The following VPS13C variants were observed in gnomAD, a reference collection of about 807,000 sequenced individuals.
The protein encoded by VPS13C is intermembrane lipid transfer protein VPS13C.
Under a neutral mutation model 456.8 loss-of-function variants are expected in VPS13C, and 358 were observed. The ratio of observed to expected loss-of-function variants is 0.78; its 90% CI spans 0.72 to 0.86. The LOEUF is 0.86. VPS13C is among the 40% of genes least tolerant of loss of function. The pLI is 0.00. For synonymous variants in VPS13C, 1,578 were observed against 1,486.7 expected (o/e 1.06, Z -1.41); for missense variants, 4,818 against 4,385.4 (o/e 1.10, Z -2.79).
chr15:62,036,312 A>T (rs1349825127), intron 3 of VPS13C, among the ~76,000 whole-genome samples: 1 of 152,066 alleles, frequency 6.6e-6, no homozygotes. Context: ...AAATGCTCAA[A>T]GTTCAAAGAA....
chr15:61,878,872 T>C (rs1895654409), intron 73 of VPS13C, 126 bp from the exon 74 acceptor site: 1 of 963,068 alleles, frequency 1.0e-6, no homozygotes, highest in South Asian at 1.8e-5. Context: ...AAGCTATTAT[T>C]TGATACCACA....
chr15:61,934,189 T>G, intron 49 of VPS13C, 30 bp downstream of exon 49: 1 of 1,460,266 alleles, frequency 6.8e-7, no homozygotes, highest in Non-Finnish European at 9.3e-7. Flanking sequence ...GCTAAGGATT[T>G]ATTTCTAATT....
intron 67 of VPS13C, among the ~76,000 whole-genome samples, chr15:61,889,557 G>T (rs1210502338): frequency 1.3e-5 from 2 of 152,100 alleles, no homozygotes; most frequent in African/African-American, 2.4e-5. Flanking sequence ...AATTAAGTGT[G>T]ATTTTTAAAA....
At chr15:62,025,919 A>G (rs1045501086) in intron 6 of VPS13C, among the ~76,000 whole-genome samples, 1 of 151,486 alleles carries the variant, frequency 6.6e-6, no homozygotes, top group East Asian at 2.0e-4. Context: ...CCATTACATA[A>G]TAACATACAG....
chr15:61,987,223 AAAAG>A (rs1354619863), intron 18 of VPS13C, among the ~76,000 whole-genome samples: 3 of 152,132 alleles, frequency 2.0e-5, no homozygotes, highest in Non-Finnish European at 2.9e-5. Context: ...AAAAAAAAAA[AAAAG>A]AAAACCAAGT....
At chr15:62,010,961 A>G (rs1348091012) in intron 12 of VPS13C, among the ~76,000 whole-genome samples, 1 of 152,156 alleles carries the variant, frequency 6.6e-6, no homozygotes, top group Non-Finnish European at 1.5e-5. Context: ...TACTAATACA[A>G]AAAAGGAAAT....
At chr15:62,038,997 T>C (rs925570133) in intron 3 of VPS13C, among the ~76,000 whole-genome samples, 1 of 152,184 alleles carries the variant, frequency 6.6e-6, no homozygotes, top group African/African-American at 2.4e-5. Context: ...TGAGTACTGT[T>C]GGTGAAAATG....
chr15:61,875,963 T>C (rs1028228408), intron 75 of VPS13C, 118 bp from the exon 76 acceptor site: 3 of 675,968 alleles, frequency 4.4e-6, no homozygotes, highest in African/African-American at 1.9e-5. Context: ...GAAAGCTGTA[T>C]GGAATAATCA....
At chr15:62,025,494 T>G (rs2047606682) in intron 6 of VPS13C, among the ~76,000 whole-genome samples, 1 of 152,124 alleles carries the variant, frequency 6.6e-6, no homozygotes, top group South Asian at 2.1e-4. Context: ...AGTCTAGCCC[T>G]GAAAACCATT....
intron 58 of VPS13C, 145 bp downstream of exon 58, chr15:61,919,144 T>C (rs2043565885): frequency 1.3e-6 from 1 of 754,862 alleles, no homozygotes. Context: ...CCATTTCTGT[T>C]ACTATTTATT....
At chr15:61,881,685 AC>A (rs1895866060) in intron 70 of VPS13C, 53 bp from the exon 71 acceptor site, 1 of 1,601,968 alleles carries the variant, frequency 6.2e-7, no homozygotes, top group Non-Finnish European at 8.5e-7. Flanking sequence ...ACTAGGTTAA[AC>A]TAATGCCTAT....
chr15:61,963,952 C>A lies in VPS13C; in HGVS notation c.3215-1G>T, dbSNP rs374621625. On this transcript the variant is annotated splice_acceptor_variant, in intron 31 of 84. Coordinates refer to ENST00000644861, the MANE Select transcript of VPS13C (RefSeq NM_020821.3). LOFTEE classifies it high-confidence loss of function. ...TCACTATCTCTGGAGGATACAATCG[C>A]TAAAAATAAAACAAAGCATCTGTCA... 1 of 1,578,542 alleles carries A rather than the reference C, an allele frequency of 6.3e-7. No individual in the cohort carries two copies. The highest frequency in any genetic ancestry group is 8.7e-7 in the Non-Finnish European group (1 of 1,151,522).
At chr15:61,900,290 G>C (rs1288230240) in intron 66 of VPS13C, among the ~76,000 whole-genome samples, 1 of 152,164 alleles carries the variant, frequency 6.6e-6, no homozygotes, top group African/African-American at 2.4e-5. Context: ...AGGAACTAAA[G>C]GGTATTCAAT....
At position 61,950,304 on chromosome 15, in the gene VPS13C, A is replaced by G; in HGVS notation, c.4596+54T>C. On this transcript the variant is annotated intron_variant, in intron 41 of 84. Transcript: ENST00000644861. ...AATCTCACAGTTGAAAATGGCTATG[A>G]AGCTAGATATAATCAACACAACCCA... The G allele has an allele frequency of 3.8e-6, 5 of 1,309,208 alleles. No homozygotes were observed. The South Asian group carries it at 6.0e-5, about 16-fold the overall frequency. 81.1% of individuals were successfully genotyped at this position (1,309,208 alleles called of 1,614,324 possible). A position where few individuals can be genotyped will look rare whatever the true frequency, so the allele number is the denominator to read the frequency against.
intron 16 of VPS13C, among the ~76,000 whole-genome samples, chr15:61,998,202 T>C (rs1457689826): frequency 1.3e-5 from 2 of 152,326 alleles, no homozygotes; most frequent in East Asian, 1.9e-4. Context: ...TTCTGGCTGA[T>C]TGCCCCATGG....
At position 61,922,622 on chromosome 15, in the gene VPS13C, C is replaced by T; in HGVS notation, c.6750G>A (p.Trp2250Ter). ...CTGTTGCCGTGTCAACACCAAGAAA[C>T]CAAGTGTTATAATCATTAATCGATT... ...GIKSINDYNT[W>*]FLGVDTATEI... Residue 2250 changes from tryptophan (W) to a stop codon, truncating the protein, a stop_gained, in exon 54 of 85, where the codon TGG (tryptophan) becomes TGA (stop). Transcript: ENST00000644861. LOFTEE classifies it high-confidence loss of function. 4 of 1,614,032 alleles carry T rather than the reference C, an allele frequency of 2.5e-6. No homozygotes were observed. Among genetic ancestry groups the T allele is most frequent in the Non-Finnish European group, 3.4e-6 (4 of 1,179,958 alleles).
At chr15:62,012,820 T>C (rs1200251108) in intron 11 of VPS13C, among the ~76,000 whole-genome samples, 2 of 151,958 alleles carry the variant, frequency 1.3e-5, no homozygotes, top group African/African-American at 2.4e-5. Context: ...TGGGCTCTGA[T>C]ATCACTGCCC....
At chr15:61,907,079 T>A (rs528453833) in intron 66 of VPS13C, 185 bp downstream of exon 66, 1 of 661,180 alleles carries the variant, frequency 1.5e-6, no homozygotes, top group East Asian at 3.0e-5. Flanking sequence ...ATTACTTTGA[T>A]AGAGCTAAGG....
chr15:61,951,833 C>A lies in VPS13C; in HGVS notation c.4447G>T (p.Asp1483Tyr). The A allele has an allele frequency of 6.2e-7, 1 of 1,609,032 alleles. No homozygotes were observed. The highest frequency in any genetic ancestry group is 1.1e-5 in the South Asian group (1 of 89,782). The change falls in exon 39 of 85, where the codon GAT becomes TAT. Residue 1483 changes from aspartate (D) to tyrosine (Y), a missense_variant. Transcript: ENST00000644861. ...AATATTTCACACTTACCAGTGAAATCAAAGCACTGCATACTAATTTTTTTT... is the reference window on the plus strand; with the variant it reads ...AATATTTCACACTTACCAGTGAAATAAAAGCACTGCATACTAATTTTTTTT... ...YLKKISMQCFDFTDSKGEPLH... is the reference protein window; with the variant it reads ...YLKKISMQCFYFTDSKGEPLH...
Sources: allele counts gnomAD v4.1 joint callset (sites outside exome capture counted in the v4.1 genomes callset), GRCh38; gene constraint gnomAD v4.1.1; transcripts MANE v1.5; gene names NCBI Gene and HGNC (gene_info 2026-07-23, HGNC 2026-07-21).